The following ALDH7A1 variants were observed in gnomAD, a reference collection of about 807,000 sequenced individuals.
ALDH7A1 encodes aldehyde dehydrogenase 7 family member A1, also known as alpha-aminoadipic semialdehyde dehydrogenase.
ALDH7A1 carries 63 observed loss-of-function variants against 79.9 expected under a neutral mutation model. That is an observed-to-expected ratio of 0.79 (90% CI 0.64 to 0.97). The LOEUF (loss-of-function observed/expected upper bound fraction) is 0.97, where lower values mean the gene tolerates loss of function less well. Ranked by LOEUF, ALDH7A1 falls within the 50% of genes least tolerant of loss-of-function variation. The pLI is 0.00. For missense variants in ALDH7A1, 627 were observed against 665.2 expected, an observed-to-expected ratio of 0.94 and a Z score of 0.63; for synonymous variants, 240 against 231.2, an observed-to-expected ratio of 1.04 and a Z score of -0.34.
chr5:126,553,642 G>T (rs536497492), intron 13 of ALDH7A1, among the ~76,000 whole-genome samples: 9 of 152,126 alleles, frequency 5.9e-5, no homozygotes, highest in African/African-American at 2.2e-4. Flanking sequence ...AACCTGGGAG[G>T]CGAGGTTGCA....
Position 126,555,941 on chromosome 5 carries a change from G to A in ALDH7A1, c.1083C>T (p.Asn361=). 3.1e-6 allele frequency: 5 copies of A among 1,612,754 alleles called. No individual in the cohort carries two copies. Among genetic ancestry groups the A allele is most frequent in the East Asian group, 2.2e-5 (1 of 44,848 alleles). Residue 361 remains asparagine (N), a synonymous_variant, in exon 12 of 18, where the codon AAC becomes AAT. Coordinates refer to ENST00000409134, the MANE Select transcript of ALDH7A1 (RefSeq NM_001182.5). ...KKAYAQIRVG[N]PWDPNVLYGP... ...GAAGGAGATACTCACGGTCCCATGG[G>A]TTCCCAACTCGGATCTGTGCATAGG...
At chr5:126,581,496 G>T (rs1554100795) in intron 5 of ALDH7A1, 1 of 151,896 alleles carries the variant, frequency 6.6e-6, no homozygotes, top group Non-Finnish European at 1.5e-5. Context: ...AGCCAGGTAT[G>T]GTGGCATGCA....
Position 126,542,177 on chromosome 5 carries a change from G to C in ALDH7A1, c.*2788C>G, listed in dbSNP as rs189486979. On this transcript the variant is annotated 3_prime_UTR_variant, in exon 18 of 18. Transcript: ENST00000409134. ...AAAAAAAAAAAAAAAGTTTGTTGGA[G>C]ACCATAGGAATTTCATAAAAATATT... The C allele has an allele frequency of 6.7e-4, 100 of 148,612 alleles. 2 individuals carry two copies. Among genetic ancestry groups the C allele is most frequent in the Admixed American group, 4.9e-3 (73 of 14,858 alleles). 9.2% of individuals were successfully genotyped at this position (148,612 alleles called of 1,614,324 possible). A position where few individuals can be genotyped will look rare whatever the true frequency, so the allele number is the denominator to read the frequency against.
rs1177041048 is a variant in ALDH7A1 at position 126,595,042 on chromosome 5, C to T, written c.157G>A (p.Gly53Ser). 2 of 1,609,426 alleles carry T rather than the reference C, an allele frequency of 1.2e-6. No homozygotes were observed. The highest frequency in any genetic ancestry group is 1.7e-6 in the Non-Finnish European group (2 of 1,178,266). ...CCTCCCCAGCTTCCATTATACACGCCCTCGTTTTCCTCGCGGAGCCCCAGC... is the reference window on the plus strand; with the variant it reads ...CCTCCCCAGCTTCCATTATACACGCTCTCGTTTTCCTCGCGGAGCCCCAGC... Reference protein sequence around the residue: ...KELGLREENEGVYNGSWGGRG... With the variant: ...KELGLREENESVYNGSWGGRG... The change falls in exon 1 of 18, where the codon GGC (glycine) becomes AGC (serine). Residue 53 changes from glycine to serine, a missense_variant. Physicochemically the swap from Gly to Ser is moderately conservative, Grantham distance 56. Coordinates refer to ENST00000409134, the MANE Select transcript of ALDH7A1 (RefSeq NM_001182.5).
chr5:126,573,236 GT>G (rs1210983162), intron 7 of ALDH7A1, among the ~76,000 whole-genome samples: 1 of 150,170 alleles, frequency 6.7e-6, no homozygotes, highest in African/African-American at 2.5e-5. Flanking sequence ...ATTCTGCTGG[GT>G]TTTGTTTTGT....
At chr5:126,559,472 G>A (rs1263261790) in intron 10 of ALDH7A1, 138 bp from the exon 11 acceptor site, 1 of 584,358 alleles carries the variant, frequency 1.7e-6, no homozygotes, top group Non-Finnish European at 2.9e-6. Context: ...TTTTGTTCTT[G>A]TCACCCAGGA....
At chr5:126,565,538 T>C (rs1031815777) in intron 9 of ALDH7A1, among the ~76,000 whole-genome samples, 6 of 152,292 alleles carry the variant, frequency 3.9e-5, no homozygotes, top group Admixed American at 3.9e-4. Context: ...CTTACAAACA[T>C]TTTCTGCCAT....
chr5:126,578,638 CA>C (rs70994880), intron 5 of ALDH7A1, among the ~76,000 whole-genome samples: 7,820 of 90,240 alleles, frequency 0.087, 196 homozygotes, highest in Non-Finnish European at 0.11. Context: ...GACCCTGTAT[CA>C]AAAAAAAAAA....
At chr5:126,576,121 G>GT (rs1750955856) in intron 6 of ALDH7A1, among the ~76,000 whole-genome samples, 1 of 152,026 alleles carries the variant, frequency 6.6e-6, no homozygotes, top group Non-Finnish European at 1.5e-5. Context: ...AAATTAGCCG[G>GT]GCGTGGTGGC....
At chr5:126,582,636 G>A in intron 5 of ALDH7A1, 1 of 579,904 alleles carries the variant, frequency 1.7e-6, no homozygotes. Context: ...CCGTGGACTT[G>A]CCAACATTAA....
chr5:126,547,680 C>A (rs1749837181), intron 16 of ALDH7A1, among the ~76,000 whole-genome samples: 1 of 152,146 alleles, frequency 6.6e-6, no homozygotes, highest in South Asian at 2.1e-4. Flanking sequence ...CTAAAGCTTT[C>A]AAGGAGACAG....
chr5:126,584,488 C>T (rs929333927), intron 3 of ALDH7A1: 13 of 177,166 alleles, frequency 7.3e-5, no homozygotes, highest in Middle Eastern at 2.6e-3. Context: ...GGTGAAACCC[C>T]GTCTCTACTA....
chr5:126,576,740 A>G (rs2112794006), intron 6 of ALDH7A1, among the ~76,000 whole-genome samples: 1 of 152,262 alleles, frequency 6.6e-6, no homozygotes, highest in East Asian at 1.9e-4. Flanking sequence ...AGCCTGGCCA[A>G]CATCGTGAAA....
chr5:126,553,226 C>T (rs1281569997), intron 13 of ALDH7A1: 2 of 152,188 alleles, frequency 1.3e-5, no homozygotes, highest in Non-Finnish European at 2.9e-5. Flanking sequence ...GCAACCATGA[C>T]TCCGTTTCTT....
intron 13 of ALDH7A1, 67 bp from the exon 14 acceptor site, chr5:126,552,204 T>G: frequency 8.5e-7 from 1 of 1,175,804 alleles, no homozygotes; most frequent in Non-Finnish European, 1.3e-6. Flanking sequence ...GGTCAGAGGA[T>G]GCAATCTTTG....
intron 13 of ALDH7A1, among the ~76,000 whole-genome samples, chr5:126,553,109 T>A (rs1004910390): frequency 3.3e-5 from 5 of 152,172 alleles, no homozygotes; most frequent in Admixed American, 6.6e-5. Context: ...AACTGACTTT[T>A]TAAAATAACC....
intron 7 of ALDH7A1, chr5:126,571,150 A>ATTTTTTTTTTTTTTTTTTTTTTT (rs386404930): frequency 4.8e-6 from 1 of 206,658 alleles, no homozygotes; most frequent in African/African-American, 2.7e-5. Flanking sequence ...CTATTAGCAG[A>ATTTTTTTTTTTTTTTTTTTTTTT]TTTTTTTTTT....
At chr5:126,564,549 G>A in intron 9 of ALDH7A1, 1 of 1,248,268 alleles carries the variant, frequency 8.0e-7, no homozygotes, top group Middle Eastern at 2.1e-4. Flanking sequence ...GTGATATCAG[G>A]AGCATATGTG....
At chr5:126,563,726 G>A (rs963362074) in intron 9 of ALDH7A1, among the ~76,000 whole-genome samples, 2 of 151,974 alleles carry the variant, frequency 1.3e-5, no homozygotes, top group African/African-American at 4.8e-5. Flanking sequence ...CCTGACCTCG[G>A]GTGATCCGCC....
Sources: gnomAD v4.1 joint callset for allele counts (sites outside exome capture counted in the v4.1 genomes callset) on GRCh38, gnomAD v4.1.1 for gene constraint, MANE v1.5 for transcripts, NCBI Gene and HGNC (gene_info 2026-07-23, HGNC 2026-07-21) for gene names.